The following THSD7A variants were observed in gnomAD, a reference collection of about 807,000 sequenced individuals.
The protein encoded by THSD7A is thrombospondin type-1 domain-containing protein 7A.
In THSD7A, 96 loss-of-function variants were observed where a neutral mutation model predicts 231.3. The observed-to-expected ratio is 0.41, with a 90% CI of 0.35 to 0.49. The LOEUF (loss-of-function observed/expected upper bound fraction) is 0.49, where lower values mean the gene tolerates loss of function less well. THSD7A is among the 20% of genes least tolerant of loss of function. THSD7A has a pLI of 0.05. For synonymous variants in THSD7A, 940 were observed against 743.3 expected (o/e 1.26, Z -4.30); for missense variants, 2,290 against 2,070.2 (o/e 1.11, Z -2.06).
intron 2 of THSD7A, among the ~76,000 whole-genome samples, chr7:11,597,048 G>A (rs1166964703): frequency 2.0e-5 from 3 of 152,162 alleles, no homozygotes; most frequent in Admixed American, 2.0e-4. Flanking sequence ...TATCACACTG[G>A]TCCATTACAT....
intron 6 of THSD7A, among the ~76,000 whole-genome samples, chr7:11,514,610 ATT>A (rs1041314860): frequency 6.6e-6 from 1 of 152,160 alleles, no homozygotes; most frequent in Admixed American, 6.5e-5. Context: ...ATTGGATAAC[ATT>A]TTAAATAAGT....
chr7:11,579,565 G>A (rs1791067282), intron 4 of THSD7A, among the ~76,000 whole-genome samples: 1 of 152,128 alleles, frequency 6.6e-6, no homozygotes, highest in Non-Finnish European at 1.5e-5. Context: ...ATTAATGGAA[G>A]GTCTGTATTA....
At chr7:11,464,151 C>T (rs986440281) in intron 9 of THSD7A, among the ~76,000 whole-genome samples, 12 of 151,552 alleles carry the variant, frequency 7.9e-5, no homozygotes, top group Non-Finnish European at 1.6e-4. Context: ...TGTGTATGAA[C>T]TGTCCATAAT....
chr7:11,468,683 A>T (rs1221141495), intron 9 of THSD7A, among the ~76,000 whole-genome samples: 1 of 151,992 alleles, frequency 6.6e-6, no homozygotes, highest in Non-Finnish European at 1.5e-5. Context: ...AAAATACAAA[A>T]ATTAGCCAGG....
intron 1 of THSD7A, among the ~76,000 whole-genome samples, chr7:11,721,328 C>T (rs952615965): frequency 2.0e-5 from 3 of 151,596 alleles, no homozygotes; most frequent in Admixed American, 6.6e-5. Context: ...ACATATTTTC[C>T]CCTTGCTAAT....
In THSD7A at chr7:11,426,682, GT is replaced by G. The variant is rs772223786; in HGVS notation, c.3244-12del. 6.4e-7 allele frequency: 1 copy of G among 1,561,200 alleles called. No individual in the cohort carries two copies. The highest frequency in any genetic ancestry group is 8.6e-7 in the Non-Finnish European group (1 of 1,159,756). On this transcript the variant is annotated splice_polypyrimidine_tract_variant and intron_variant, in intron 14 of 27. Coordinates refer to ENST00000423059, the MANE Select transcript of THSD7A (RefSeq NM_015204.3). ...AGTTCTTACCTGTGCCTGGAGTGGT[GT>G]TCAACAGGAATGATGAAAAGGGAGA...
At chr7:11,671,257 T>C (rs1783380798) in intron 1 of THSD7A, among the ~76,000 whole-genome samples, 1 of 152,204 alleles carries the variant, frequency 6.6e-6, no homozygotes, top group Non-Finnish European at 1.5e-5. Flanking sequence ...TGATAGCTTC[T>C]GGTTGTGCCT....
At chr7:11,399,592 A>T (rs928962260) in intron 23 of THSD7A, among the ~76,000 whole-genome samples, 1 of 152,206 alleles carries the variant, frequency 6.6e-6, no homozygotes, top group Non-Finnish European at 1.5e-5. Flanking sequence ...AGAGAAATGC[A>T]AATCAAAACC....
chr7:11,770,112 T>G (rs1783174790), intron 1 of THSD7A, among the ~76,000 whole-genome samples: 1 of 152,062 alleles, frequency 6.6e-6, no homozygotes, highest in Admixed American at 6.6e-5. Flanking sequence ...GCATAAAAAC[T>G]TGAAAAAATA....
At chr7:11,423,525 C>A (rs1237764590) in intron 16 of THSD7A, among the ~76,000 whole-genome samples, 7 of 152,090 alleles carry the variant, frequency 4.6e-5, no homozygotes, top group Middle Eastern at 3.4e-3. Flanking sequence ...CCCGCCGCCA[C>A]GCCCAGCTAA....
intron 7 of THSD7A, among the ~76,000 whole-genome samples, chr7:11,477,996 A>C (rs1295287292): frequency 6.6e-6 from 1 of 152,194 alleles, no homozygotes; most frequent in Admixed American, 6.5e-5. Context: ...ATCCAATTCC[A>C]ATGCTGTACC....
chr7:11,798,235 C>G (rs545752299), intron 1 of THSD7A, among the ~76,000 whole-genome samples: 1 of 151,806 alleles, frequency 6.6e-6, no homozygotes, highest in South Asian at 2.1e-4. Flanking sequence ...TTTGGGAGGC[C>G]GAGGTGGGAG....
intron 23 of THSD7A, chr7:11,385,622 T>G (rs1257148385): frequency 6.6e-6 from 1 of 152,174 alleles, no homozygotes; most frequent in East Asian, 1.9e-4. Flanking sequence ...ATTATTTGGT[T>G]ATCTTTGTAT....
At chr7:11,510,566 C>T (rs1787763561) in intron 6 of THSD7A, among the ~76,000 whole-genome samples, 1 of 152,142 alleles carries the variant, frequency 6.6e-6, no homozygotes. Context: ...CATCAAAAAG[C>T]TTATCCACCA....
At chr7:11,569,590 A>G (rs1790533776) in intron 4 of THSD7A, among the ~76,000 whole-genome samples, 1 of 152,226 alleles carries the variant, frequency 6.6e-6, no homozygotes, top group African/African-American at 2.4e-5. Context: ...AATGTAAATT[A>G]GTGACTTTGG....
chr7:11,712,366 G>C (rs574041690), intron 1 of THSD7A, among the ~76,000 whole-genome samples: 2 of 150,968 alleles, frequency 1.3e-5, no homozygotes, highest in African/African-American at 4.8e-5. Flanking sequence ...GTAATCATAT[G>C]GCAGGGAAAG....
chr7:11,614,321 G>A (rs1781034918), intron 2 of THSD7A, among the ~76,000 whole-genome samples: 1 of 152,174 alleles, frequency 6.6e-6, no homozygotes, highest in Non-Finnish European at 1.5e-5. Flanking sequence ...GAAAGCTGAG[G>A]CAGCCAACAA....
At chr7:11,652,989 C>G (rs929095679) in intron 1 of THSD7A, among the ~76,000 whole-genome samples, 2 of 151,808 alleles carry the variant, frequency 1.3e-5, no homozygotes, top group African/African-American at 4.8e-5. Flanking sequence ...TGAGGAATAG[C>G]TTAATTTTTT....
intron 4 of THSD7A, among the ~76,000 whole-genome samples, chr7:11,559,779 A>G (rs1393185083): frequency 2.0e-5 from 3 of 152,200 alleles, no homozygotes; most frequent in South Asian, 2.1e-4. Flanking sequence ...TTGTCAAAAC[A>G]TTTTAAAGTT....
Sources: allele counts gnomAD v4.1 joint callset (sites outside exome capture counted in the v4.1 genomes callset), GRCh38; gene constraint gnomAD v4.1.1; transcripts MANE v1.5; gene names NCBI Gene and HGNC (gene_info 2026-07-23, HGNC 2026-07-21).